GABRB1: variants seen among roughly 807,000 people sequenced by gnomAD.
GABRB1 encodes gamma-aminobutyric acid type A receptor subunit beta1.
Under a neutral mutation model 51.6 loss-of-function variants are expected in GABRB1, and 17 were observed. The ratio of observed to expected loss-of-function variants is 0.33; its 90% CI spans 0.23 to 0.49. The LOEUF is 0.49. Among genes scored for constraint, GABRB1 ranks in the 20% least tolerant of loss-of-function variants. GABRB1 has a pLI of 0.99. For synonymous variants in GABRB1, 247 were observed against 218.9 expected (o/e 1.13, Z -1.14); for missense variants, 410 against 600.6 (o/e 0.68, Z 3.32).
chr4:47,416,667 G>A (rs1728932284), intron 8 of GABRB1, among the ~76,000 whole-genome samples: 1 of 152,018 alleles, frequency 6.6e-6, no homozygotes, highest in African/African-American at 2.4e-5. Context: ...GGCCAGGCTG[G>A]TTTAGAACTC....
At chr4:46,993,787 G>A (rs976946577) in exon 1 of GABRB1, 1 of 220,982 alleles carries the variant, frequency 4.5e-6, no homozygotes, top group African/African-American at 2.3e-5. Flanking sequence ...GAGGAACGGG[G>A]TCTCTCGCCC....
intron 1 of GABRB1, among the ~76,000 whole-genome samples, chr4:47,009,741 G>T (rs1724533801): frequency 6.6e-6 from 1 of 152,174 alleles, no homozygotes; most frequent in African/African-American, 2.4e-5. Flanking sequence ...GGGTTTTAGG[G>T]CCTGTCCACT....
chr4:47,320,365 A>G (rs3775534), intron 5 of GABRB1, among the ~76,000 whole-genome samples, 156 bp downstream of exon 5: 10,336 of 152,278 alleles, frequency 0.068, 327 homozygotes, highest in Admixed American at 0.082. Flanking sequence ...GGTCATTTCA[A>G]TGAAGTTATC....
intron 4 of GABRB1, among the ~76,000 whole-genome samples, chr4:47,261,366 A>G (rs941633912): frequency 5.3e-5 from 8 of 152,110 alleles, no homozygotes; most frequent in Non-Finnish European, 7.4e-5. Flanking sequence ...ATATCAATGT[A>G]CAAAAATCAC....
intron 4 of GABRB1, among the ~76,000 whole-genome samples, chr4:47,268,202 C>T (rs1458231393): frequency 6.6e-6 from 1 of 152,080 alleles, no homozygotes; most frequent in African/African-American, 2.4e-5. Flanking sequence ...AAAAATTTAC[C>T]TCCATTTATA....
intron 4 of GABRB1, 60 bp from the exon 5 acceptor site, chr4:47,320,067 C>A: frequency 8.5e-7 from 1 of 1,171,530 alleles, no homozygotes; most frequent in Non-Finnish European, 1.3e-6. Context: ...GCTAGGAAGC[C>A]TGGAAATGAA....
chr4:47,274,270 C>A (rs1722988219), intron 4 of GABRB1, among the ~76,000 whole-genome samples: 1 of 152,066 alleles, frequency 6.6e-6, no homozygotes, highest in African/African-American at 2.4e-5. Flanking sequence ...CAATAATGTA[C>A]ATAAAATGTT....
At chr4:47,255,999 A>C (rs890338541) in intron 4 of GABRB1, among the ~76,000 whole-genome samples, 3 of 152,198 alleles carry the variant, frequency 2.0e-5, no homozygotes, top group Non-Finnish European at 4.4e-5. Context: ...AGAAGAGTAC[A>C]AATTTAGTCC....
Position 47,210,445 on chromosome 4 carries a change from A to G in GABRB1, c.461+48976A>G, listed in dbSNP as rs1044811768. Among the ~76,000 whole-genome samples, 44 of 152,122 alleles carry G rather than the reference A, an allele frequency of 2.9e-4. 1 individual carries two copies. The highest frequency in any genetic ancestry group is 8.8e-5 in the Non-Finnish European group (6 of 68,000). On this transcript the variant is annotated intron_variant, in intron 4 of 8. Transcript: ENST00000295454. Reference sequence around the variant, plus strand: ...CAGGGATCTACAGATTTTCAATTTCATATAAGCATTTGTGTTTGATTCTGA... The same window carrying G: ...CAGGGATCTACAGATTTTCAATTTCGTATAAGCATTTGTGTTTGATTCTGA...
chr4:47,042,681 G>A (rs766357561), intron 3 of GABRB1, among the ~76,000 whole-genome samples: 1 of 151,168 alleles, frequency 6.6e-6, no homozygotes, highest in Non-Finnish European at 1.5e-5. Context: ...ATATGAAAAG[G>A]GGCCTTTTAG....
intron 4 of GABRB1, among the ~76,000 whole-genome samples, chr4:47,270,427 CA>C (rs1268441278): frequency 6.6e-6 from 1 of 152,178 alleles, no homozygotes; most frequent in Non-Finnish European, 1.5e-5. Context: ...CTCCCAAGCA[CA>C]GCAAGGTCAG....
intron 3 of GABRB1, among the ~76,000 whole-genome samples, chr4:47,094,237 T>C (rs942850707): frequency 5.9e-4 from 88 of 149,814 alleles, no homozygotes; most frequent in African/African-American, 2.1e-3. Flanking sequence ...CTCTTTTTTT[T>C]TTTTTTTTGA....
rs1719640472 is a variant in GABRB1, at chr4:47,195,456, TTAGATGATAGATAGATAGATA to T, written c.461+33988_461+34008del. ...GATAGATAGATAGATGATAGATAGA[TTAGATGATAGATAGATAGATA>T]GATAGATAGATAGATAGATAGATAG... is the stretch of plus-strand genomic sequence containing the variant. On this transcript the variant is annotated intron_variant, in intron 4 of 8. Transcript: ENST00000295454. Among the ~76,000 whole-genome samples, 527 of 89,622 alleles carry T rather than the reference TTAGATGATAGATAGATAGATA, an allele frequency of 5.9e-3. 4 individuals carry two copies. Among genetic ancestry groups the T allele is most frequent in the Admixed American group, 0.032 (264 of 8,316 alleles). The allele number at this position is 89,622 out of a possible 152,430, so 58.8% of individuals were successfully genotyped here.
intron 5 of GABRB1, among the ~76,000 whole-genome samples, chr4:47,328,466 A>C (rs949576350): frequency 6.6e-6 from 1 of 152,172 alleles, no homozygotes; most frequent in African/African-American, 2.4e-5. Context: ...ACACATGCAC[A>C]CGCATGTTTA....
chr4:47,362,211 C>A (rs1417080167), intron 5 of GABRB1, among the ~76,000 whole-genome samples: 1 of 152,012 alleles, frequency 6.6e-6, no homozygotes. Context: ...AAATGAGAAC[C>A]AAAAACTGAA....
intron 4 of GABRB1, among the ~76,000 whole-genome samples, chr4:47,234,032 A>G (rs1353251985): frequency 6.6e-6 from 1 of 152,204 alleles, no homozygotes; most frequent in Non-Finnish European, 1.5e-5. Context: ...AAATTTAACC[A>G]CAGAATTTCT....
At chr4:47,208,259 C>G (rs1011861332) in intron 4 of GABRB1, among the ~76,000 whole-genome samples, 5 of 151,816 alleles carry the variant, frequency 3.3e-5, no homozygotes, top group African/African-American at 1.2e-4. Flanking sequence ...ATGTATAATT[C>G]CAATTATATT....
intron 3 of GABRB1, among the ~76,000 whole-genome samples, chr4:47,052,866 G>A (rs1429207508): frequency 1.3e-5 from 2 of 152,210 alleles, no homozygotes; most frequent in South Asian, 2.1e-4. Context: ...TAGAGAGCGA[G>A]CAAGCAAGCT....
At chr4:47,007,865 G>GGTATATATATATATATATATATATATAT (rs1724452964) in intron 1 of GABRB1, among the ~76,000 whole-genome samples, 4 of 47,746 alleles carry the variant, frequency 8.4e-5, no homozygotes, top group African/African-American at 4.4e-4. Flanking sequence ...CCTTGGAACT[G>GGTATATATATATATATATATATATATAT]GTATATATAT....
Sources: gnomAD v4.1 joint callset for allele counts (sites outside exome capture counted in the v4.1 genomes callset) on GRCh38, gnomAD v4.1.1 for gene constraint, MANE v1.5 for transcripts, NCBI Gene and HGNC (gene_info 2026-07-23, HGNC 2026-07-21) for gene names.